The following PTGER2 variants were observed in gnomAD, a reference collection of about 807,000 sequenced individuals.
The protein encoded by PTGER2 is prostaglandin E2 receptor EP2 subtype.
In PTGER2, 22 loss-of-function variants were observed where a neutral mutation model predicts 26.2. The ratio of observed to expected loss-of-function variants is 0.84; its 90% CI spans 0.60 to 1.20. PTGER2 has a LOEUF of 1.20. Among genes scored for constraint, PTGER2 ranks in the 50% most tolerant of loss-of-function variants. The pLI is 0.00. For missense variants in PTGER2, 458 were observed against 475.2 expected, an observed-to-expected ratio of 0.96 and a Z score of 0.34; for synonymous variants, 219 against 208.9, an observed-to-expected ratio of 1.05 and a Z score of -0.42.
chr14:52,323,035 TAAC>T (rs912667689), intron 1 of PTGER2, among the ~76,000 whole-genome samples: 3 of 152,190 alleles, frequency 2.0e-5, no homozygotes, highest in African/African-American at 7.2e-5. Context: ...CTTACGAAGA[TAAC>T]AGGATTAAGA....
At chr14:52,318,231 C>G (rs1436531506) in intron 1 of PTGER2, among the ~76,000 whole-genome samples, 2 of 152,132 alleles carry the variant, frequency 1.3e-5, no homozygotes, top group Non-Finnish European at 2.9e-5. Flanking sequence ...ACAGGGGGCT[C>G]TAGAAGCAAA....
chr14:52,315,211 C>T lies in PTGER2; in HGVS notation c.663C>T (p.Asn221=). ...VLACNFSVIL[N]LIRMHRRSRR... Reference sequence around the variant, plus strand: ...CCTGCAACTTCAGTGTCATTCTCAACCTCATCCGCATGCACCGCCGAAGCC... The same window carrying T: ...CCTGCAACTTCAGTGTCATTCTCAATCTCATCCGCATGCACCGCCGAAGCC... The change falls in exon 1 of 2, where the codon AAC becomes AAT. Residue 221 remains asparagine, a synonymous_variant. Coordinates refer to ENST00000245457, the MANE Select transcript of PTGER2 (RefSeq NM_000956.4). The T allele has an allele frequency of 6.2e-7, 1 of 1,611,028 alleles. No homozygotes were observed.
At chr14:52,315,425 C>G in intron 1 of PTGER2, 34 bp downstream of exon 1, 1 of 1,606,842 alleles carries the variant, frequency 6.2e-7, no homozygotes, top group Non-Finnish European at 8.5e-7. Context: ...CAGCCCGGCT[C>G]TGCTCAGCCT....
chr14:52,323,847 T>G (rs2033922641), intron 1 of PTGER2, among the ~76,000 whole-genome samples: 1 of 152,240 alleles, frequency 6.6e-6, no homozygotes, highest in Non-Finnish European at 1.5e-5. Flanking sequence ...TTCACTTGAC[T>G]CATTGGGATT....
At chr14:52,323,896 T>G (rs2033923050) in intron 1 of PTGER2, among the ~76,000 whole-genome samples, 1 of 152,236 alleles carries the variant, frequency 6.6e-6, no homozygotes, top group Non-Finnish European at 1.5e-5. Context: ...ACATTGGTAG[T>G]GCACACAAAA....
In PTGER2 at chr14:52,327,749, C is replaced by T. The variant is rs2033967006; in HGVS notation, c.*295C>T. The T allele has an allele frequency of 3.2e-6, 1 of 314,590 alleles. No individual in the cohort carries two copies. Among genetic ancestry groups the T allele is most frequent in the Admixed American group, 4.6e-5 (1 of 21,802 alleles). The allele number at this position is 314,590 out of a possible 1,614,324, so 19.5% of individuals were successfully genotyped here. On this transcript the variant is annotated 3_prime_UTR_variant, in exon 2 of 2. Transcript: ENST00000245457. The stretch of plus-strand genomic sequence containing the variant: ...TGATTTAAGCTTTCCTGTTGAATGA[C>T]AAAGTATGTGGTTTTGTAATTTGTT...
chr14:52,322,061 C>T (rs1341055970), intron 1 of PTGER2, among the ~76,000 whole-genome samples: 1 of 152,196 alleles, frequency 6.6e-6, no homozygotes, highest in East Asian at 1.9e-4. Context: ...ATGCCCATGG[C>T]TCAGCCTAGA....
intron 1 of PTGER2, among the ~76,000 whole-genome samples, chr14:52,322,919 T>C (rs903560120): frequency 2.6e-5 from 4 of 152,216 alleles, no homozygotes; most frequent in African/African-American, 7.2e-5. Context: ...TTCTGTTCTT[T>C]TTCAAGGTGC....
rs766756987 is a variant in PTGER2, at chr14:52,327,213, T to A, written c.844-8T>A. 6.4e-7 allele frequency: 1 copy of A among 1,556,616 alleles called. No homozygotes were observed. The highest frequency in any genetic ancestry group is 1.1e-5 in the South Asian group (1 of 89,584). ...ACTAACATCATTTTTCCCCTTTGCT[T>A]CTTACAGATTTTTGCATATATGAAT... On this transcript the variant is annotated splice_region_variant and splice_polypyrimidine_tract_variant and intron_variant, in intron 1 of 1. Transcript: ENST00000245457.
At chr14:52,317,297 G>C (rs1236997777) in intron 1 of PTGER2, among the ~76,000 whole-genome samples, 1 of 152,128 alleles carries the variant, frequency 6.6e-6, no homozygotes, top group Admixed American at 6.5e-5. Flanking sequence ...TTTCCTACAC[G>C]AGCAAGAGGA....
chr14:52,314,535 C>T lies in PTGER2; in HGVS notation c.-14C>T, dbSNP rs1309250598. ...CGGGAGAGGAGGGCGCATCTCTTTT[C>T]CAGGCACCCCACCATGGGCAATGCC... On this transcript the variant is annotated 5_prime_UTR_variant, in exon 1 of 2. Transcript: ENST00000245457. The surrounding 1 kb of genome is among the most constrained non-coding windows in gnomAD (Gnocchi z 5.7). The T allele has an allele frequency of 1.4e-6, 2 of 1,476,252 alleles. No individual in the cohort carries two copies. Among genetic ancestry groups the T allele is most frequent in the Admixed American group, 5.1e-5 (2 of 39,368 alleles). 91.4% of individuals were successfully genotyped at this position (1,476,252 alleles called of 1,614,324 possible).
chr14:52,325,448 A>G (rs2033940465), intron 1 of PTGER2, among the ~76,000 whole-genome samples: 1 of 152,216 alleles, frequency 6.6e-6, no homozygotes, highest in Non-Finnish European at 1.5e-5. Context: ...TGGTTAAACT[A>G]GATCATCAAC....
intron 1 of PTGER2, among the ~76,000 whole-genome samples, chr14:52,323,157 C>T (rs1299340304): frequency 6.6e-6 from 1 of 152,162 alleles, no homozygotes; most frequent in Non-Finnish European, 1.5e-5. Context: ...CCAACCAGTC[C>T]TTCCATTTGG....
At chr14:52,321,870 G>A (rs2033899206) in intron 1 of PTGER2, among the ~76,000 whole-genome samples, 1 of 152,150 alleles carries the variant, frequency 6.6e-6, no homozygotes, top group Non-Finnish European at 1.5e-5. Flanking sequence ...GTATATTAAT[G>A]GTCAGGAAAT....
At position 52,328,380 on chromosome 14, in the gene PTGER2, A is replaced by G. The variant is rs2033973352; in HGVS notation, c.*926A>G. On this transcript the variant is annotated 3_prime_UTR_variant, in exon 2 of 2. Coordinates refer to ENST00000245457, the MANE Select transcript of PTGER2 (RefSeq NM_000956.4). ...AGATTTTATAAGATGACTGTGTTGTACCAAAATTCATCTGTCTATATTTTA... is the reference window on the plus strand; with the variant it reads ...AGATTTTATAAGATGACTGTGTTGTGCCAAAATTCATCTGTCTATATTTTA... The G allele has an allele frequency of 6.5e-6, 1 of 152,678 alleles. No individual in the cohort carries two copies. The allele number at this position is 152,678 out of a possible 1,614,324, so 9.5% of individuals were successfully genotyped here. A position where few individuals can be genotyped will look rare whatever the true frequency, so the allele number is the denominator to read the frequency against.
intron 1 of PTGER2, among the ~76,000 whole-genome samples, chr14:52,317,876 C>T (rs910893416): frequency 5.3e-5 from 8 of 152,162 alleles, no homozygotes; most frequent in African/African-American, 1.4e-4. Context: ...AGCATTGTCA[C>T]CTCTTAGTAA....
intron 1 of PTGER2, among the ~76,000 whole-genome samples, chr14:52,317,585 G>A (rs151216439): frequency 1.3e-5 from 2 of 152,340 alleles, no homozygotes; most frequent in African/African-American, 4.8e-5. Flanking sequence ...AAAAGGTGTT[G>A]AGGGAGTAGG....
In PTGER2 at chr14:52,317,257, T is replaced by C. The variant is rs45615731; in HGVS notation, c.843+1866T>C. Among the ~76,000 whole-genome samples, 718 of 152,152 alleles carry C rather than the reference T, an allele frequency of 4.7e-3. 2 individuals carry two copies. The highest frequency in any genetic ancestry group is 0.016 in the African/African-American group (668 of 41,498). ...TAGCCTGGGAATGGGTTTGGGGTGATAACACACTTGTGAAACGATTTTTAG... is the reference window on the plus strand; with the variant it reads ...TAGCCTGGGAATGGGTTTGGGGTGACAACACACTTGTGAAACGATTTTTAG... On this transcript the variant is annotated intron_variant, in intron 1 of 1. Coordinates refer to ENST00000245457, the MANE Select transcript of PTGER2 (RefSeq NM_000956.4).
intron 1 of PTGER2, among the ~76,000 whole-genome samples, chr14:52,316,091 C>G (rs551782173): frequency 1.4e-4 from 22 of 152,308 alleles, no homozygotes; most frequent in African/African-American, 5.1e-4. Flanking sequence ...GAACATCTTG[C>G]TAAGCATTTG....
Sources: allele counts gnomAD v4.1 joint callset (sites outside exome capture counted in the v4.1 genomes callset), GRCh38; gene constraint gnomAD v4.1.1; non-coding constraint Gnocchi (gnomAD v3.1); transcripts MANE v1.5; gene names NCBI Gene and HGNC (gene_info 2026-07-23, HGNC 2026-07-21).